SLIT2: variants seen among roughly 807,000 people sequenced by gnomAD.
The protein encoded by SLIT2 is slit guidance ligand 2.
A neutral mutation model predicts 185.7 loss-of-function variants in SLIT2; 41 were observed. The observed-to-expected ratio is 0.22, with a 90% CI of 0.17 to 0.29. The LOEUF (loss-of-function observed/expected upper bound fraction) is 0.29. Ranked by LOEUF, SLIT2 falls within the 10% of genes least tolerant of loss-of-function variation. The pLI is 1.00. For missense variants in SLIT2, 1,571 were observed against 1,909.0 expected, an observed-to-expected ratio of 0.82 and a Z score of 3.30; for synonymous variants, 693 against 680.2, an observed-to-expected ratio of 1.02 and a Z score of -0.29.
At chr4:20,589,380 A>C (rs1330018728) in intron 29 of SLIT2, among the ~76,000 whole-genome samples, 2 of 152,220 alleles carry the variant, frequency 1.3e-5, no homozygotes, top group Non-Finnish European at 2.9e-5. Context: ...TAATTCCCAT[A>C]GTATATTCTG....
At chr4:20,291,141 A>G (rs905533084) in intron 4 of SLIT2, among the ~76,000 whole-genome samples, 2 of 152,090 alleles carry the variant, frequency 1.3e-5, no homozygotes, top group Non-Finnish European at 2.9e-5. Context: ...TGCCTGGCAT[A>G]TTAGACACCA....
At chr4:20,548,339 G>C in intron 22 of SLIT2, 149 bp from the exon 23 acceptor site, 1 of 586,418 alleles carries the variant, frequency 1.7e-6, no homozygotes, top group Non-Finnish European at 3.0e-6. Flanking sequence ...ATCTACTCCA[G>C]TGGGTCGTTC....
chr4:20,565,462 C>G (rs140822852), intron 26 of SLIT2, among the ~76,000 whole-genome samples: 2 of 152,044 alleles, frequency 1.3e-5, no homozygotes, highest in East Asian at 3.9e-4. Context: ...AGGTATTATG[C>G]TAATTTAACT....
chr4:20,440,773 A>G (rs1029956706), intron 4 of SLIT2, among the ~76,000 whole-genome samples: 3 of 152,204 alleles, frequency 2.0e-5, no homozygotes, highest in Non-Finnish European at 4.4e-5. Context: ...TAAGATGTCA[A>G]TAGATTCCAT....
intron 29 of SLIT2, among the ~76,000 whole-genome samples, chr4:20,570,978 C>T (rs1354639205): frequency 6.6e-6 from 1 of 151,950 alleles, no homozygotes; most frequent in Non-Finnish European, 1.5e-5. Flanking sequence ...TCCCTCCCTA[C>T]ACCTGCTCCT....
At chr4:20,445,576 A>C (rs997972638) in intron 4 of SLIT2, among the ~76,000 whole-genome samples, 1 of 152,172 alleles carries the variant, frequency 6.6e-6, no homozygotes, top group Non-Finnish European at 1.5e-5. Flanking sequence ...TCCCCAGCAC[A>C]CTTTAATACA....
At position 20,529,114 on chromosome 4, in the gene SLIT2, C is replaced by T. The variant is rs55972345; in HGVS notation, c.1613+15C>T. On this transcript the variant is annotated intron_variant, in intron 16 of 36. Transcript: ENST00000504154. Reference sequence around the variant, plus strand: ...ACTGCAGAGTTGTAAGTTCATCCCCCAACAAAATTCTGGTTGGGATGGAGG... The same window carrying T: ...ACTGCAGAGTTGTAAGTTCATCCCCTAACAAAATTCTGGTTGGGATGGAGG... 13,671 of 1,563,290 alleles carry T rather than the reference C, an allele frequency of 8.7e-3. 75 individuals carry two copies. The highest frequency in any genetic ancestry group is 0.011 in the Non-Finnish European group (12,190 of 1,146,872).
At chr4:20,533,004 G>T (rs1052932005) in intron 17 of SLIT2, among the ~76,000 whole-genome samples, 29 of 152,106 alleles carry the variant, frequency 1.9e-4, no homozygotes, top group African/African-American at 7.0e-4. Context: ...ATAAACAGTT[G>T]ACCTCAACTA....
At chr4:20,470,307 A>G (rs1714842620) in intron 5 of SLIT2, among the ~76,000 whole-genome samples, 1 of 152,152 alleles carries the variant, frequency 6.6e-6, no homozygotes, top group Non-Finnish European at 1.5e-5. Context: ...TCATTTTGAC[A>G]TGAAGTTACA....
At chr4:20,445,680 C>A (rs1485587784) in intron 4 of SLIT2, among the ~76,000 whole-genome samples, 1 of 152,126 alleles carries the variant, frequency 6.6e-6, no homozygotes, top group African/African-American at 2.4e-5. Flanking sequence ...AAGAAAGTGT[C>A]CACAGATTTC....
Position 20,329,945 on chromosome 4 carries a change from TCA to T in SLIT2, c.395+61065_395+61066del, listed in dbSNP as rs528881759. 1.0e-3 allele frequency among the ~76,000 whole-genome samples: 152 copies of T among 152,204 alleles called. 1 individual carries two copies. Among genetic ancestry groups the T allele is most frequent in the African/African-American group, 3.2e-3 (134 of 41,562 alleles). On this transcript the variant is annotated intron_variant, in intron 4 of 36. Coordinates refer to ENST00000504154, the MANE Select transcript of SLIT2 (RefSeq NM_004787.4). ...GGTTTTCTTGACCTGCGTGCTCTTT[TCA>T]TGGCTTTTCCAAATTCTTTGGCTAT...
Position 20,542,590 on chromosome 4 carries a change from TCTTGCCGAAAGGTATTC to T in SLIT2, c.2242_2258del (p.Leu748LysfsTer33). 6.2e-7 allele frequency: 1 copy of T among 1,613,904 alleles called. No individual in the cohort carries two copies. On this transcript the variant is annotated frameshift_variant, in exon 21 of 37. Transcript: ENST00000504154. LOFTEE classifies it high-confidence loss of function. ...CGATGTAGCAACAAGGGTTTGAAGG[TCTTGCCGAAAGGTATTC>T]CAAGAGATGTCACAGAGTTGTAAGT...
At chr4:20,345,320 C>T (rs1164902352) in intron 4 of SLIT2, among the ~76,000 whole-genome samples, 3 of 152,008 alleles carry the variant, frequency 2.0e-5, no homozygotes, top group East Asian at 3.9e-4. Flanking sequence ...CCTTGAAAAC[C>T]TGTAGCTCTT....
At chr4:20,532,173 A>T (rs1295339399) in intron 17 of SLIT2, 115 bp downstream of exon 17, 2 of 614,892 alleles carry the variant, frequency 3.3e-6, no homozygotes, top group Admixed American at 7.2e-5. Context: ...TTTCCCTATG[A>T]TGATGACCTG....
intron 4 of SLIT2, among the ~76,000 whole-genome samples, chr4:20,464,425 AT>A (rs1247712017): frequency 6.6e-6 from 1 of 152,142 alleles, no homozygotes; most frequent in Non-Finnish European, 1.5e-5. Flanking sequence ...CTTCCAAAAA[AT>A]CAACTCCAAT....
chr4:20,444,349 G>A (rs1463663302), intron 4 of SLIT2, among the ~76,000 whole-genome samples: 1 of 151,618 alleles, frequency 6.6e-6, no homozygotes, highest in Non-Finnish European at 1.5e-5. Flanking sequence ...ATGTCATCTT[G>A]TTTTATTTGT....
intron 4 of SLIT2, among the ~76,000 whole-genome samples, chr4:20,395,465 T>C (rs1725816171): frequency 6.6e-6 from 1 of 152,030 alleles, no homozygotes; most frequent in African/African-American, 2.4e-5. Context: ...TTAGGGACCA[T>C]TGAGGTATTT....
chr4:20,393,517 C>A lies in SLIT2; in HGVS notation c.396-74235C>A, dbSNP rs1484005249. 3 of 151,966 alleles carry A rather than the reference C, an allele frequency of 2.0e-5. No individual in the cohort carries two copies. In the South Asian group the frequency reaches 6.2e-4, roughly 32 times the overall value. 9.4% of individuals were successfully genotyped at this position (151,966 alleles called of 1,614,324 possible). ...TTAGAAATCTTTAATATCTTTAAAA[C>A]CTTGACTAATTGATTTTTATCATAT... On this transcript the variant is annotated intron_variant, in intron 4 of 36. Transcript: ENST00000504154.
At chr4:20,394,572 A>T (rs1384620355) in intron 4 of SLIT2, 1 of 151,846 alleles carries the variant, frequency 6.6e-6, no homozygotes, top group Non-Finnish European at 1.5e-5. Context: ...CAACTGCAGG[A>T]CCTCATGGAG....
Sources: gnomAD v4.1 joint callset for allele counts (sites outside exome capture counted in the v4.1 genomes callset) on GRCh38, gnomAD v4.1.1 for gene constraint, MANE v1.5 for transcripts, NCBI Gene and HGNC (gene_info 2026-07-23, HGNC 2026-07-21) for gene names.